Variants in NMT2 observed in about 807,000 individuals in gnomAD.
NMT2 encodes the protein glycylpeptide N-tetradecanoyltransferase 2.
NMT2 carries 35 observed loss-of-function variants against 65.4 expected under a neutral mutation model. The observed-to-expected ratio is 0.54, with a 90% confidence interval of 0.41 to 0.71. The LOEUF (loss-of-function observed/expected upper bound fraction) is 0.71. Ranked by LOEUF, NMT2 falls within the 30% of genes least tolerant of loss-of-function variation. The probability of loss-of-function intolerance (pLI) is 0.00; values close to 1 mark genes in which losing one functional copy is unlikely to be tolerated. For synonymous variants in NMT2, 226 were observed against 231.8 expected, an observed-to-expected ratio of 0.98 and a Z score of 0.23; for missense variants, 489 against 611.3, an observed-to-expected ratio of 0.80 and a Z score of 2.11.
At chr10:15,138,960 C>T (rs1433893904) in intron 2 of NMT2, among the ~76,000 whole-genome samples, 1 of 152,126 alleles carries the variant, frequency 6.6e-6, no homozygotes, top group East Asian at 1.9e-4. Flanking sequence ...AGGAGATTAA[C>T]GTTTGAGTCA....
rs1297907329 is a variant in NMT2 at position 15,141,332 on chromosome 10, T to C, written c.246+90A>G. 106 of 1,496,652 alleles carry C rather than the reference T, an allele frequency of 7.1e-5. No homozygotes were observed. In the East Asian group the frequency reaches 2.4e-3, roughly 34 times the overall value. 92.7% of individuals were successfully genotyped at this position (1,496,652 alleles called of 1,614,324 possible). A position where few individuals can be genotyped will look rare whatever the true frequency, so the allele number is the denominator to read the frequency against. ...CAACACACAGTCACAACAAAGTCCC[T>C]ACACATCTGATGCAGCAGCGCGCTA... On this transcript the variant is annotated intron_variant, in intron 2 of 11. Transcript: ENST00000378165.
At chr10:15,140,315 G>C (rs1447399594) in intron 2 of NMT2, among the ~76,000 whole-genome samples, 2 of 151,834 alleles carry the variant, frequency 1.3e-5, no homozygotes, top group Non-Finnish European at 2.9e-5. Flanking sequence ...GTAGAGACAG[G>C]GTTTTGCCAT....
chr10:15,127,145 G>A (rs1846098930), intron 8 of NMT2, among the ~76,000 whole-genome samples: 1 of 152,102 alleles, frequency 6.6e-6, no homozygotes, highest in South Asian at 2.1e-4. Flanking sequence ...TGAGGCAGGA[G>A]AACTGTTTGA....
At position 15,141,484 on chromosome 10, in the gene NMT2, C is replaced by T. The variant is rs756276095; in HGVS notation, c.184G>A (p.Gly62Arg). ...QKRKKEKPNS[G>R]GTKSDSASDS... ...GATGCCGAGTCTGACTTGGTGCCTC[C>T]GGAATTTGGTTTCTCCTTTTTTCTC... Residue 62 changes from glycine (G) to arginine (R), a missense_variant, in exon 2 of 12, where the codon GGA becomes AGA. Coordinates refer to ENST00000378165, the MANE Select transcript of NMT2 (RefSeq NM_004808.3). 1.3e-5 allele frequency: 21 copies of T among 1,614,074 alleles called. No individual in the cohort carries two copies. Among genetic ancestry groups the T allele is most frequent in the East Asian group, 4.5e-5 (2 of 44,896 alleles).
chr10:15,107,108 TAA>T lies in NMT2; in HGVS notation c.*2085_*2086del, dbSNP rs59625068. On this transcript the variant is annotated 3_prime_UTR_variant, in exon 12 of 12. Coordinates refer to ENST00000378165, the MANE Select transcript of NMT2 (RefSeq NM_004808.3). ...TGGACAATAGAGTGAGACCCTGTCC[TAA>T]AAAAAAAAAAAAAAAAAGTATGGCT... is the stretch of plus-strand genomic sequence containing the variant. Among the ~76,000 whole-genome samples, 11,934 of 133,716 alleles carry T rather than the reference TAA, an allele frequency of 0.089. 503 individuals are homozygous for T. Among genetic ancestry groups the T allele is most frequent in the African/African-American group, 0.12 (4,136 of 35,682 alleles). The allele number at this position is 133,716 out of a possible 152,430, so 87.7% of individuals were successfully genotyped here. A position where few individuals can be genotyped will look rare whatever the true frequency, so the allele number is the denominator to read the frequency against.
rs553219759 is a variant in NMT2, at chr10:15,119,208, C to T, written c.1170+135G>A. Reference sequence around the variant, plus strand: ...TATTCAGAATTATTAATCTTATTAACTCTCTACCCTTTAGTACACATCTTT... The same window carrying T: ...TATTCAGAATTATTAATCTTATTAATTCTCTACCCTTTAGTACACATCTTT... On this transcript the variant is annotated intron_variant, in intron 9 of 11. Coordinates refer to ENST00000378165, the MANE Select transcript of NMT2 (RefSeq NM_004808.3). The T allele has an allele frequency of 3.7e-5, 29 of 783,834 alleles. No individual in the cohort carries two copies. The South Asian group carries it at 4.8e-4, about 13-fold the overall frequency. 48.6% of individuals were successfully genotyped at this position (783,834 alleles called of 1,614,324 possible). A position where few individuals can be genotyped will look rare whatever the true frequency, so the allele number is the denominator to read the frequency against.
At chr10:15,123,700 T>A (rs1775189010) in intron 8 of NMT2, among the ~76,000 whole-genome samples, 1 of 152,144 alleles carries the variant, frequency 6.6e-6, no homozygotes, top group Admixed American at 6.6e-5. Flanking sequence ...GAGAGTTCAA[T>A]AAAATGCAGA....
At chr10:15,161,081 C>CAAAAAAAAAAAAAAAAAAAAAAAA in intron 1 of NMT2, among the ~76,000 whole-genome samples, 1 of 19,274 alleles carries the variant, frequency 5.2e-5, no homozygotes, top group Non-Finnish European at 9.0e-5. Context: ...CCTCAAAAAT[C>CAAAAAAAAAAAAAAAAAAAAAAAA]AAAAAAAAAA....
intron 11 of NMT2, among the ~76,000 whole-genome samples, chr10:15,109,455 C>T (rs1210065524): frequency 5.3e-5 from 8 of 152,062 alleles, no homozygotes; most frequent in Non-Finnish European, 1.0e-4. Flanking sequence ...GATGTAATCC[C>T]AGCTACTCGG....
chr10:15,168,511 G>T lies in NMT2; in HGVS notation c.102C>A (p.His34Gln). 5.7e-6 allele frequency: 9 copies of T among 1,584,622 alleles called. No individual in the cohort carries two copies. The highest frequency in any genetic ancestry group is 2.2e-5 in the South Asian group (2 of 89,322). ...CAGCGCGCCGCCCCTACCCTTTGGC[G>T]TGCTCCGTCTCCTCCTCATTGTCCC... ...IDGDNEEETE[H>Q]AKGSPGGYLG... Residue 34 changes from histidine to glutamine, a missense_variant, in exon 1 of 12, where the codon CAC becomes CAA. By Grantham distance (24) the His-to-Gln change is conservative. Transcript: ENST00000378165.
In NMT2 at chr10:15,106,822, C is replaced by T. The variant is rs1298792989; in HGVS notation, c.*2373G>A. 5.1e-6 allele frequency: 1 copy of T among 195,868 alleles called. No homozygotes were observed. Among genetic ancestry groups the T allele is most frequent in the Non-Finnish European group, 9.2e-6 (1 of 108,214 alleles). The allele number at this position is 195,868 out of a possible 1,614,324, so 12.1% of individuals were successfully genotyped here. ...ATATGTAAATGAAAGTGGCTGTGGC[C>T]AAGAGTGGTGGCTCATGTCTATAAT... is the stretch of plus-strand genomic sequence containing the variant. On this transcript the variant is annotated 3_prime_UTR_variant, in exon 12 of 12. Transcript: ENST00000378165.
chr10:15,111,348 T>C (rs1291095724), intron 10 of NMT2, among the ~76,000 whole-genome samples: 2 of 151,252 alleles, frequency 1.3e-5, no homozygotes, highest in Admixed American at 1.3e-4. Context: ...CTGTCTCTAC[T>C]AAAAATACAA....
At chr10:15,158,058 T>C (rs1198603537) in intron 1 of NMT2, among the ~76,000 whole-genome samples, 1 of 152,200 alleles carries the variant, frequency 6.6e-6, no homozygotes, top group African/African-American at 2.4e-5. Flanking sequence ...CTCACGCTTG[T>C]AGACCCAGCA....
At chr10:15,144,408 T>C (rs1846884941) in intron 1 of NMT2, among the ~76,000 whole-genome samples, 1 of 152,132 alleles carries the variant, frequency 6.6e-6, no homozygotes, top group Non-Finnish European at 1.5e-5. Context: ...AGTGCACCGC[T>C]TGATACCCAT....
At position 15,154,665 on chromosome 10, in the gene NMT2, A is replaced by C. The variant is rs74125543; in HGVS notation, c.111-13108T>G. 2,582 of 423,456 alleles carry C rather than the reference A, an allele frequency of 6.1e-3. 60 individuals carry two copies. The highest frequency in any genetic ancestry group is 0.048 in the African/African-American group (2,375 of 49,128). The allele number at this position is 423,456 out of a possible 1,614,324, so 26.2% of individuals were successfully genotyped here. A position where few individuals can be genotyped will look rare whatever the true frequency, so the allele number is the denominator to read the frequency against. On this transcript the variant is annotated intron_variant, in intron 1 of 11. Coordinates refer to ENST00000378165, the MANE Select transcript of NMT2 (RefSeq NM_004808.3). ...GCTAGGCATGGAAGGGGGCAAGGAA[A>C]ACATGGAACCCAAAGGGAAATGCAG...
intron 9 of NMT2, 141 bp downstream of exon 9, chr10:15,119,202 T>A: frequency 1.3e-6 from 1 of 759,012 alleles, no homozygotes. Context: ...TTATTAATCT[T>A]ATTAACTCTC....
chr10:15,167,561 G>A (rs1440555280), intron 1 of NMT2, among the ~76,000 whole-genome samples: 2 of 152,108 alleles, frequency 1.3e-5, no homozygotes, highest in Non-Finnish European at 2.9e-5. Context: ...CTGTGCCAGC[G>A]CATAGTTTGA....
At chr10:15,118,504 A>G (rs55672908) in intron 9 of NMT2, among the ~76,000 whole-genome samples, 5,534 of 152,158 alleles carry the variant, frequency 0.036, 184 homozygotes, top group African/African-American at 0.08. Context: ...GTGCCACTGC[A>G]CTCCAGCCTG....
chr10:15,130,086 G>A (rs1320020985), intron 7 of NMT2, 56 bp downstream of exon 7: 1 of 1,307,136 alleles, frequency 7.7e-7, no homozygotes, highest in Non-Finnish European at 1.0e-6. Flanking sequence ...GAACAGTGGT[G>A]AGGCTCAACA....
Sources: allele counts gnomAD v4.1 joint callset (sites outside exome capture counted in the v4.1 genomes callset), GRCh38; gene constraint gnomAD v4.1.1; transcripts MANE v1.5; gene names NCBI Gene and HGNC (gene_info 2026-07-23, HGNC 2026-07-21).